Variants in DYNC2I2 observed in about 807,000 individuals in gnomAD.
DYNC2I2 encodes cytoplasmic dynein 2 intermediate chain 2.
DYNC2I2 carries 39 observed loss-of-function variants against 52.0 expected under a neutral mutation model. That is an observed-to-expected ratio of 0.75 (90% CI 0.58 to 0.98). DYNC2I2 has a LOEUF of 0.98. Ranked by LOEUF, DYNC2I2 falls within the 50% of genes least tolerant of loss-of-function variation. DYNC2I2 has a pLI of 0.00. For synonymous variants in DYNC2I2, 359 were observed against 321.1 expected, an observed-to-expected ratio of 1.12 and a Z score of -1.26; for missense variants, 743 against 728.4, an observed-to-expected ratio of 1.02 and a Z score of -0.23.
intron 1 of DYNC2I2, among the ~76,000 whole-genome samples, chr9:128,654,182 G>C (rs943902463): frequency 6.6e-6 from 1 of 152,116 alleles, no homozygotes; most frequent in African/African-American, 2.4e-5. Context: ...ACAGCAAAGC[G>C]GGAAGTGCGT....
At chr9:128,672,211 C>T in the DYNC2I2 span, among the ~76,000 whole-genome samples, 2 of 151,732 alleles carry the variant, frequency 1.3e-5, no homozygotes, top group Non-Finnish European at 1.5e-5. Context: ...AACTCGTGAT[C>T]CGCCCGTCTC....
the DYNC2I2 span, among the ~76,000 whole-genome samples, chr9:128,678,045 G>C: frequency 5.3e-5 from 8 of 151,524 alleles, no homozygotes; most frequent in East Asian, 1.4e-3. Flanking sequence ...TTTTCCCTTC[G>C]ACTTAGCTGC....
the DYNC2I2 span, among the ~76,000 whole-genome samples, chr9:128,682,953 G>A: frequency 4.7e-4 from 71 of 150,650 alleles, no homozygotes; most frequent in African/African-American, 1.7e-3. Context: ...TGGGATTACA[G>A]GCTTGAGTCA....
rs1476017275 is a variant in DYNC2I2 at position 128,656,552 on chromosome 9, G to A, written c.175C>T (p.Arg59Cys). ...PSQWRAVQGI[R>C]WETKSCQTAS... is the part of the protein sequence containing the mutation. The stretch of plus-strand genomic sequence containing the variant: ...GCCCGCGCCCTCACCGTCTCCCAGC[G>A]GATGCCCTGGACGGCCCTCCACTGC... Residue 59 changes from arginine to cysteine, a missense_variant, in exon 1 of 9, where the codon CGC (arginine) becomes TGC (cysteine). Arg to Cys is a radical substitution (Grantham distance 180). Coordinates refer to ENST00000372715, the MANE Select transcript of DYNC2I2 (RefSeq NM_052844.4). 2 of 1,431,486 alleles carry A rather than the reference G, an allele frequency of 1.4e-6. No individual in the cohort carries two copies. Among genetic ancestry groups the A allele is most frequent in the East Asian group, 3.1e-5 (1 of 32,600 alleles). The allele number at this position is 1,431,486 out of a possible 1,614,324, so 88.7% of individuals were successfully genotyped here. A position where few individuals can be genotyped will look rare whatever the true frequency, so the allele number is the denominator to read the frequency against.
the DYNC2I2 span, chr9:128,683,662 T>C: frequency 7.0e-4 from 315 of 448,292 alleles, 1 homozygote; most frequent in African/African-American, 5.7e-3. Context: ...AGAGTGCCCC[T>C]GCAGAGCGAG....
chr9:128,662,042 A>G, the DYNC2I2 span, among the ~76,000 whole-genome samples: 2 of 145,186 alleles, frequency 1.4e-5, no homozygotes, highest in African/African-American at 5.1e-5. Context: ...CTCCATCTCA[A>G]AAAAAAAAAA....
At chr9:128,671,664 T>C in the DYNC2I2 span, among the ~76,000 whole-genome samples, 25 of 151,626 alleles carry the variant, frequency 1.6e-4, no homozygotes, top group South Asian at 5.0e-3. Flanking sequence ...TATTTATTTA[T>C]TTTTTGAGAC....
At chr9:128,682,672 C>CTTTTTTT in the DYNC2I2 span, among the ~76,000 whole-genome samples, 2 of 120,632 alleles carry the variant, frequency 1.7e-5, no homozygotes, top group African/African-American at 6.9e-5. Flanking sequence ...GGGACCTTGT[C>CTTTTTTT]TTTTTTTTTT....
intron 1 of DYNC2I2, among the ~76,000 whole-genome samples, chr9:128,646,881 A>G (rs1387254957): frequency 6.6e-6 from 1 of 152,004 alleles, no homozygotes; most frequent in Non-Finnish European, 1.5e-5. Flanking sequence ...AATCCCAGCA[A>G]TTTGGGAGGC....
At chr9:128,653,335 T>A (rs1194584948) in intron 1 of DYNC2I2, among the ~76,000 whole-genome samples, 1 of 150,510 alleles carries the variant, frequency 6.6e-6, no homozygotes, top group Non-Finnish European at 1.5e-5. Flanking sequence ...GGCCAGGAGT[T>A]TGAGACCAGC....
At position 128,637,114 on chromosome 9, in the gene DYNC2I2, C is replaced by G. The variant is rs754616838; in HGVS notation, c.436-87G>C. The stretch of plus-strand genomic sequence containing the variant: ...CCAAACCCCACCTAGGCCAGGCCAC[C>G]CTTAGCCCTAGAGGCCCTCAAGTCC... On this transcript the variant is annotated intron_variant, in intron 2 of 8. Transcript: ENST00000372715. 4.6e-5 allele frequency: 42 copies of G among 911,492 alleles called. No homozygotes were observed. In the Admixed American group the frequency reaches 5.4e-4, roughly 12 times the overall value. The allele number at this position is 911,492 out of a possible 1,614,324, so 56.5% of individuals were successfully genotyped here.
At chr9:128,660,202 G>A (rs1004409120), upstream of DYNC2I2, among the ~76,000 whole-genome samples, 2 of 151,810 alleles carry the variant, frequency 1.3e-5, no homozygotes, top group African/African-American at 4.8e-5. Context: ...TCCGCCTCCC[G>A]GGTTCACGCC....
the DYNC2I2 span, among the ~76,000 whole-genome samples, chr9:128,664,776 T>A: frequency 7.9e-5 from 12 of 151,494 alleles, no homozygotes; most frequent in African/African-American, 2.7e-4. Context: ...TGAGCCACCG[T>A]GCCCCACCAG....
At chr9:128,662,474 C>T in the DYNC2I2 span, among the ~76,000 whole-genome samples, 3 of 151,908 alleles carry the variant, frequency 2.0e-5, no homozygotes, top group Non-Finnish European at 4.4e-5. Flanking sequence ...TGCAATGGCG[C>T]GATCTCGGCT....
intron 1 of DYNC2I2, among the ~76,000 whole-genome samples, chr9:128,648,207 G>C (rs1178928409): frequency 2.0e-5 from 3 of 147,388 alleles, no homozygotes; most frequent in Non-Finnish European, 3.0e-5. Context: ...CCAGGAGTTC[G>C]AGCACCCTGG....
chr9:128,638,384 G>A (rs1476594238), intron 2 of DYNC2I2, among the ~76,000 whole-genome samples: 2 of 152,070 alleles, frequency 1.3e-5, no homozygotes, highest in Admixed American at 6.5e-5. Flanking sequence ...GGGTGTGGTA[G>A]CACGTGCCTG....
the DYNC2I2 span, among the ~76,000 whole-genome samples, chr9:128,665,144 C>G: frequency 1.3e-5 from 2 of 151,436 alleles, no homozygotes; most frequent in Non-Finnish European, 2.9e-5. Flanking sequence ...GCTCCACCTC[C>G]AGGGTTCAAA....
intron 1 of DYNC2I2, among the ~76,000 whole-genome samples, chr9:128,642,063 G>A (rs1321698188): frequency 2.0e-5 from 3 of 151,800 alleles, no homozygotes; most frequent in East Asian, 1.9e-4. Flanking sequence ...CGAGGCGGGC[G>A]GATCACAAGA....
At chr9:128,656,266 A>T (rs1404670162) in intron 1 of DYNC2I2, among the ~76,000 whole-genome samples, 1 of 152,086 alleles carries the variant, frequency 6.6e-6, no homozygotes, top group East Asian at 1.9e-4. Context: ...TAAAAACTAC[A>T]GTTCACACAA....
Sources: gnomAD v4.1 joint callset for allele counts (sites outside exome capture counted in the v4.1 genomes callset) on GRCh38, gnomAD v4.1.1 for gene constraint, MANE v1.5 for transcripts, NCBI Gene and HGNC (gene_info 2026-07-23, HGNC 2026-07-21) for gene names.